The following KANK1 variants were observed in gnomAD, a reference collection of about 807,000 sequenced individuals.
KANK1 encodes KN motif and ankyrin repeat domains 1, also known as KN motif and ankyrin repeat domain-containing protein 1.
KANK1 carries 109 observed loss-of-function variants against 106.2 expected under a neutral mutation model. The observed-to-expected ratio is 1.03, with a 90% confidence interval of 0.88 to 1.20. The LOEUF (loss-of-function observed/expected upper bound fraction) is 1.20, where lower values mean the gene tolerates loss of function less well. Among genes scored for constraint, KANK1 ranks in the 50% most tolerant of loss-of-function variants. KANK1 has a pLI of 0.00. For synonymous variants in KANK1, 873 were observed against 652.2 expected, an observed-to-expected ratio of 1.34 and a Z score of -5.16; for missense variants, 2,399 against 1,710.7, an observed-to-expected ratio of 1.40 and a Z score of -7.10.
chr9:632,023 A>G (rs1187705557), intron 1 of KANK1, among the ~76,000 whole-genome samples: 1 of 152,228 alleles, frequency 6.6e-6, no homozygotes, highest in Non-Finnish European at 1.5e-5. Flanking sequence ...GCATGAGTAC[A>G]AAGACTGTGT....
chr9:696,220 T>C (rs958235080), intron 2 of KANK1, among the ~76,000 whole-genome samples: 60 of 149,932 alleles, frequency 4.0e-4, no homozygotes, highest in Non-Finnish European at 7.3e-4. Flanking sequence ...GGAGGCGGAG[T>C]TTGCAGGGAG....
At chr9:505,842 C>T (rs1440502409) in intron 1 of KANK1, among the ~76,000 whole-genome samples, 1 of 152,160 alleles carries the variant, frequency 6.6e-6, no homozygotes, top group Non-Finnish European at 1.5e-5. Flanking sequence ...CGTCATTGCC[C>T]CCCACCTCTG....
At position 589,646 on chromosome 9, in the gene KANK1, C is replaced by T. The variant is rs575255646; in HGVS notation, c.-84+84892C>T. ...GACTGAAGGAATGCGTCCCCTGAGC[C>T]AGGAAGGAGGGAGGAGATGGAGCAA... On this transcript the variant is annotated intron_variant, in intron 1 of 11. Transcript: ENST00000382297. Among the ~76,000 whole-genome samples, 3 of 151,920 alleles carry T rather than the reference C, an allele frequency of 2.0e-5. No homozygotes were observed. In the South Asian group the frequency reaches 6.3e-4, roughly 32 times the overall value.
At chr9:574,807 A>AT (rs1271305952) in intron 1 of KANK1, among the ~76,000 whole-genome samples, 1 of 148,956 alleles carries the variant, frequency 6.7e-6, no homozygotes, top group Non-Finnish European at 1.5e-5. Flanking sequence ...GTGAGCCGAG[A>AT]TTGCACCACT....
chr9:688,936 C>G (rs2139377252), intron 2 of KANK1, among the ~76,000 whole-genome samples: 1 of 152,306 alleles, frequency 6.6e-6, no homozygotes, highest in South Asian at 2.1e-4. Flanking sequence ...TTCTTTCCCA[C>G]TGTTTTCTTG....
intron 3 of KANK1, among the ~76,000 whole-genome samples, chr9:724,515 C>T (rs955601037): frequency 1.3e-5 from 2 of 152,048 alleles, no homozygotes; most frequent in African/African-American, 2.4e-5. Context: ...AGTGTTCTGG[C>T]GGCCAGGCAC....
chr9:659,547 T>G (rs375349524), intron 1 of KANK1, among the ~76,000 whole-genome samples: 5 of 152,124 alleles, frequency 3.3e-5, no homozygotes, highest in Admixed American at 2.0e-4. Context: ...AAGAACTACC[T>G]GAGACTGGGT....
intron 1 of KANK1, among the ~76,000 whole-genome samples, chr9:541,401 C>G (rs1230391875): frequency 6.6e-6 from 1 of 152,164 alleles, no homozygotes; most frequent in African/African-American, 2.4e-5. Context: ...CCCTTTCTCA[C>G]ACCATATACA....
intron 7 of KANK1, among the ~76,000 whole-genome samples, chr9:737,277 C>G (rs1564121428): frequency 6.6e-6 from 1 of 152,156 alleles, no homozygotes; most frequent in Non-Finnish European, 1.5e-5. Context: ...ATGGTTAAAA[C>G]TAAATAATCA....
intron 3 of KANK1, among the ~76,000 whole-genome samples, chr9:483,812 G>C (rs1411656754): frequency 1.3e-5 from 2 of 152,146 alleles, no homozygotes; most frequent in Non-Finnish European, 2.9e-5. Context: ...AGCTCTTTCA[G>C]AGATGTAAAT....
chr9:596,632 G>C lies in KANK1; in HGVS notation c.-83-80258G>C, dbSNP rs751163457. Among the ~76,000 whole-genome samples, 4 of 151,696 alleles carry C rather than the reference G, an allele frequency of 2.6e-5. 1 individual carries two copies. The highest frequency in any genetic ancestry group is 9.7e-5 in the African/African-American group (4 of 41,042). On this transcript the variant is annotated intron_variant, in intron 1 of 11. Transcript: ENST00000382297. ...CCGTTTACACTGGTACCACTGTCTC[G>C]TTATGTCATGGTAAAGTAATGAAGT...
rs1210448767 is a variant in KANK1, at chr9:543,107, C to A, written c.-84+38353C>A. Among the ~76,000 whole-genome samples the A allele has an allele frequency of 3.9e-5, 6 of 152,164 alleles. No homozygotes were observed. The East Asian group carries it at 1.2e-3, about 29-fold the overall frequency. ...TTCACGAGGTCTATGTACATCAAAC[C>A]ATGTATATTGTAAATATATACAATT... On this transcript the variant is annotated intron_variant, in intron 1 of 11. Coordinates refer to ENST00000382297, the MANE Select transcript of KANK1 (RefSeq NM_015158.5).
rs189214250 is a variant in KANK1 at position 637,986 on chromosome 9, A to G, written c.-83-38904A>G. ...ATGGACCATGTGCTGGTACATCTTC[A>G]GACTCACTCTGCATGGTGACAGAAT... On this transcript the variant is annotated intron_variant, in intron 1 of 11. Coordinates refer to ENST00000382297, the MANE Select transcript of KANK1 (RefSeq NM_015158.5). Among the ~76,000 whole-genome samples, 101 of 152,272 alleles carry G rather than the reference A, an allele frequency of 6.6e-4. 1 individual carries two copies. The highest frequency in any genetic ancestry group is 2.3e-3 in the African/African-American group (94 of 41,544).
In KANK1 at chr9:541,631, T is replaced by TA. The variant is rs199978068; in HGVS notation, c.-84+36887dup. Among the ~76,000 whole-genome samples, 359 of 149,086 alleles carry TA rather than the reference T, an allele frequency of 2.4e-3. 3 individuals carry two copies. Among genetic ancestry groups the TA allele is most frequent in the African/African-American group, 7.6e-3 (309 of 40,700 alleles). On this transcript the variant is annotated intron_variant, in intron 1 of 11. Coordinates refer to ENST00000382297, the MANE Select transcript of KANK1 (RefSeq NM_015158.5). ...ATAGACAAATGGGATTGTGTTAAAC[T>TA]AAAAAAAAAATTCTGCATAGAAAAG... is the stretch of plus-strand genomic sequence containing the variant.
chr9:473,215 G>A (rs1468602547), exon 3 of KANK1: 1 of 152,176 alleles, frequency 6.6e-6, no homozygotes, highest in South Asian at 2.1e-4. Context: ...GCAGTTCCAA[G>A]GACAAGGGAT....
At chr9:691,981 T>C (rs1207468177) in intron 2 of KANK1, among the ~76,000 whole-genome samples, 4 of 152,134 alleles carry the variant, frequency 2.6e-5, no homozygotes, top group African/African-American at 9.7e-5. Flanking sequence ...GTGGCACTAG[T>C]TGAACAAGAT....
chr9:641,713 A>G (rs1838481635), intron 1 of KANK1, among the ~76,000 whole-genome samples: 1 of 152,126 alleles, frequency 6.6e-6, no homozygotes, highest in South Asian at 2.1e-4. Flanking sequence ...CTCTCTTGCC[A>G]TTTCTTGTAA....
At chr9:498,772 A>C (rs2058498707) in intron 3 of KANK1, among the ~76,000 whole-genome samples, 1 of 152,246 alleles carries the variant, frequency 6.6e-6, no homozygotes, top group South Asian at 2.1e-4. Flanking sequence ...AAAGAGGATA[A>C]CAACAACTGT....
At chr9:608,346 T>C (rs767552652) in intron 1 of KANK1, among the ~76,000 whole-genome samples, 6 of 151,870 alleles carry the variant, frequency 4.0e-5, no homozygotes, top group Non-Finnish European at 7.3e-5. Flanking sequence ...TAACAATAAG[T>C]TTCATTTGTT....
Sources: gnomAD v4.1 joint callset for allele counts (sites outside exome capture counted in the v4.1 genomes callset) on GRCh38, gnomAD v4.1.1 for gene constraint, MANE v1.5 for transcripts, NCBI Gene and HGNC (gene_info 2026-07-23, HGNC 2026-07-21) for gene names.